The following MOB3A variants were observed in gnomAD, a reference collection of about 807,000 sequenced individuals.
MOB3A encodes the protein MOB kinase activator 3A, also known as MOB LAK.
In MOB3A, 17 loss-of-function variants were observed where a neutral mutation model predicts 17.8. The observed-to-expected ratio is 0.95, with a 90% CI of 0.65 to 1.43. The LOEUF (loss-of-function observed/expected upper bound fraction) is 1.43. Among genes scored for constraint, MOB3A ranks in the 40% most tolerant of loss-of-function variants. MOB3A has a pLI of 0.00. For synonymous variants in MOB3A, 124 were observed against 133.2 expected (o/e 0.93, Z 0.48); for missense variants, 333 against 310.8 (o/e 1.07, Z -0.54).
chr19:2,082,191 A>T lies in MOB3A; in HGVS notation c.-120+2984T>A, dbSNP rs1468210321. ...AACTTTTCATCTGCCTGGGACAAAA[A>T]CCCTGTCTCCACTTTACAGATGAGA... On this transcript the variant is annotated intron_variant, in intron 2 of 4. Coordinates refer to ENST00000357066, the MANE Select transcript of MOB3A (RefSeq NM_130807.3). The surrounding 1 kb of genome is among the most constrained non-coding windows in gnomAD (Gnocchi z 4.1). 6.6e-6 allele frequency among the ~76,000 whole-genome samples: 1 copy of T among 152,170 alleles called. No individual in the cohort carries two copies. Among genetic ancestry groups the T allele is most frequent in the Non-Finnish European group, 1.5e-5 (1 of 68,020 alleles).
intron 1 of MOB3A, among the ~76,000 whole-genome samples, chr19:2,091,327 G>T (rs1382040416): frequency 1.3e-5 from 2 of 152,176 alleles, no homozygotes; most frequent in Non-Finnish European, 2.9e-5. Flanking sequence ...GACACGGAAG[G>T]ACACCCAATA....
At chr19:2,076,145 AAG>A (rs2017403197) in intron 4 of MOB3A, among the ~76,000 whole-genome samples, 1 of 148,580 alleles carries the variant, frequency 6.7e-6, no homozygotes, top group Non-Finnish European at 1.5e-5. Flanking sequence ...AAAAAAAAAA[AAG>A]GCCAGGCACA....
intron 3 of MOB3A, 131 bp downstream of exon 3, chr19:2,078,009 T>G (rs776299418): frequency 3.1e-6 from 3 of 972,468 alleles, no homozygotes; most frequent in African/African-American, 1.7e-5. Flanking sequence ...GAGCTCAAAC[T>G]CCTGGGCTCA....
At position 2,072,419 on chromosome 19, in the gene MOB3A, C is replaced by A. The variant is rs927849942; in HGVS notation, c.*976G>T. 1 of 151,946 alleles carries A rather than the reference C, an allele frequency of 6.6e-6. No homozygotes were observed. The highest frequency in any genetic ancestry group is 1.5e-5 in the Non-Finnish European group (1 of 68,020). 9.4% of individuals were successfully genotyped at this position (151,946 alleles called of 1,614,324 possible). A position where few individuals can be genotyped will look rare whatever the true frequency, so the allele number is the denominator to read the frequency against. On this transcript the variant is annotated 3_prime_UTR_variant, in exon 5 of 5. Coordinates refer to ENST00000357066, the MANE Select transcript of MOB3A (RefSeq NM_130807.3). The stretch of plus-strand genomic sequence containing the variant: ...TTGTGCCACTGGACTCCAGTCTGGG[C>A]GACAGTGGGAGACTCCGTTCAAAAA...
chr19:2,089,507 C>T (rs2017589316), intron 1 of MOB3A, among the ~76,000 whole-genome samples: 1 of 150,456 alleles, frequency 6.6e-6, no homozygotes, highest in African/African-American at 2.4e-5. Flanking sequence ...GAGAAAAACA[C>T]AAATGTCCCA....
intron 2 of MOB3A, chr19:2,084,090 T>TATCCTTTTAAGCTTGTCTAC (rs1464092060): frequency 1.3e-5 from 6 of 476,436 alleles, no homozygotes; most frequent in African/African-American, 1.2e-4. Context: ...TCTTTGTCTA[T>TATCCTTTTAAGCTTGTCTAC]ATCCTTTTAA....
chr19:2,073,420 T>G lies in MOB3A; in HGVS notation c.629A>C (p.Glu210Ala). 1 of 1,613,850 alleles carries G rather than the reference T, an allele frequency of 6.2e-7. No individual in the cohort carries two copies. Among genetic ancestry groups the G allele is most frequent in the Non-Finnish European group, 8.5e-7 (1 of 1,180,010 alleles). The change falls in exon 5 of 5, where the codon GAA (glutamate) becomes GCA (alanine). Residue 210 changes from glutamate (E) to alanine (A), a missense_variant. Glu to Ala is a moderately radical substitution (Grantham distance 107). Coordinates refer to ENST00000357066, the MANE Select transcript of MOB3A (RefSeq NM_130807.3). ...IDTKELEPLK[E>A]MTARMCH Reference sequence around the variant, plus strand: ...TCAGTGGCACATCCGGGCGGTCATTTCTTTCTGTAAAGAGCAAGCAAGACA... The same window carrying G: ...TCAGTGGCACATCCGGGCGGTCATTGCTTTCTGTAAAGAGCAAGCAAGACA...
chr19:2,073,391 G>A lies in MOB3A; in HGVS notation c.*4C>T, dbSNP rs2017363948. 6.2e-7 allele frequency: 1 copy of A among 1,613,382 alleles called. No homozygotes were observed. Among genetic ancestry groups the A allele is most frequent in the Admixed American group, 1.7e-5 (1 of 59,978 alleles). On this transcript the variant is annotated 3_prime_UTR_variant, in exon 5 of 5. Coordinates refer to ENST00000357066, the MANE Select transcript of MOB3A (RefSeq NM_130807.3). Reference sequence around the variant, plus strand: ...GTTCGGGCACCGGGAGACCCGCGGGGCTCTCAGTGGCACATCCGGGCGGTC... The same window carrying A: ...GTTCGGGCACCGGGAGACCCGCGGGACTCTCAGTGGCACATCCGGGCGGTC...
At chr19:2,085,963 CAAA>C (rs1036097194) in intron 1 of MOB3A, among the ~76,000 whole-genome samples, 1 of 33,392 alleles carries the variant, frequency 3.0e-5, no homozygotes, top group Non-Finnish European at 5.6e-5. Flanking sequence ...GACTCTGTCT[CAAA>C]AAAAAAAAAA....
chr19:2,074,434 C>T (rs79792273), intron 4 of MOB3A, among the ~76,000 whole-genome samples: 1,820 of 152,270 alleles, frequency 0.012, 48 homozygotes, highest in African/African-American at 0.041. Context: ...GAAGACCCCA[C>T]TACCATCTTT....
intron 1 of MOB3A, among the ~76,000 whole-genome samples, chr19:2,095,542 G>T (rs2017673500): frequency 6.6e-6 from 1 of 152,188 alleles, no homozygotes; most frequent in Admixed American, 6.5e-5. Flanking sequence ...GGGAGGTGCG[G>T]GGTCCTGCGG....
At position 2,078,232 on chromosome 19, in the gene MOB3A, G is replaced by A; in HGVS notation, c.329C>T (p.Pro110Leu). ...GTACCTGGGCGCGGAGAGTGCCGTG[G>A]GCTTCCGGAACTTATGCTCATCCTG... ...RWQDEHKFRK[P>L]TALSAPRYMD... is the part of the protein sequence containing the mutation. The change falls in exon 3 of 5, where the codon CCC (proline) becomes CTC (leucine). Residue 110 changes from proline (P) to leucine (L), a missense_variant. By Grantham distance (98) the Pro-to-Leu change is moderately conservative (BLOSUM62 -3). Coordinates refer to ENST00000357066, the MANE Select transcript of MOB3A (RefSeq NM_130807.3). 6.2e-7 allele frequency: 1 copy of A among 1,613,894 alleles called. No homozygotes were observed.
intron 1 of MOB3A, among the ~76,000 whole-genome samples, chr19:2,094,624 A>G (rs1429991800): frequency 6.6e-6 from 1 of 152,198 alleles, no homozygotes; most frequent in Non-Finnish European, 1.5e-5. Context: ...GTAAAAGGGA[A>G]GCCCCTGTGA....
rs748261328 is a variant in MOB3A at position 2,076,773 on chromosome 19, C to T, written c.624+38G>A. On this transcript the variant is annotated intron_variant, in intron 4 of 4. Coordinates refer to ENST00000357066, the MANE Select transcript of MOB3A (RefSeq NM_130807.3). Reference sequence around the variant, plus strand: ...TTCCTCTGCCACGGGCCACCAGCCCCACCGTAACCGCACGCCCTCAGCCCC... The same window carrying T: ...TTCCTCTGCCACGGGCCACCAGCCCTACCGTAACCGCACGCCCTCAGCCCC... 4 of 1,603,198 alleles carry T rather than the reference C, an allele frequency of 2.5e-6. No individual in the cohort carries two copies. The Admixed American group carries it at 5.0e-5, about 20-fold the overall frequency.
At position 2,085,194 on chromosome 19, in the gene MOB3A, G is replaced by C. The variant is rs878865452; in HGVS notation, c.-139C>G. On this transcript the variant is annotated 5_prime_UTR_variant, in exon 2 of 5. Transcript: ENST00000357066. ...GGTTACCGTGTCTGGGGCTCCCTCC[G>C]CTCTGCTCTTCTCGGATTCCTCCAG... 3 of 152,002 alleles carry C rather than the reference G, an allele frequency of 2.0e-5. No individual in the cohort carries two copies. Among genetic ancestry groups the C allele is most frequent in the South Asian group, 2.1e-4 (1 of 4,830 alleles). 9.4% of individuals were successfully genotyped at this position (152,002 alleles called of 1,614,324 possible).
intron 2 of MOB3A, among the ~76,000 whole-genome samples, chr19:2,080,028 C>T (rs1363676525): frequency 1.3e-5 from 2 of 152,190 alleles, no homozygotes; most frequent in Non-Finnish European, 2.9e-5. Flanking sequence ...ACACACCGCG[C>T]GTGTGCCGGG....
In MOB3A at chr19:2,093,499, G is replaced by A. The variant is rs1378095803; in HGVS notation, c.-274+2727C>T. On this transcript the variant is annotated intron_variant, in intron 1 of 4. Transcript: ENST00000357066. This position sits in a 1 kb window ranked among gnomAD's most constrained non-coding sequence, Gnocchi z 4.6. ...TCTGGAACACACAGTGGGTGGCTGT[G>A]GTCCAGCGTGTGCCTGGCTGTGTAT... is the stretch of plus-strand genomic sequence containing the variant. Among the ~76,000 whole-genome samples, 1 of 152,132 alleles carries A rather than the reference G, an allele frequency of 6.6e-6. No homozygotes were observed. The highest frequency in any genetic ancestry group is 6.5e-5 in the Admixed American group (1 of 15,276).
At chr19:2,081,839 G>C (rs1172394743) in intron 2 of MOB3A, among the ~76,000 whole-genome samples, 1 of 151,988 alleles carries the variant, frequency 6.6e-6, no homozygotes, top group African/African-American at 2.4e-5. Context: ...AGCCAAGGTC[G>C]GGCCTCTGTA....
At chr19:2,090,317 A>G (rs1249059951) in intron 1 of MOB3A, 2 of 151,924 alleles carry the variant, frequency 1.3e-5, no homozygotes, top group African/African-American at 4.8e-5. Flanking sequence ...TTTTCTTCTC[A>G]TTTGCCTCGT....
Sources: gnomAD v4.1 joint callset for allele counts (sites outside exome capture counted in the v4.1 genomes callset) on GRCh38, gnomAD v4.1.1 for gene constraint, Gnocchi (gnomAD v3.1) non-coding constraint, MANE v1.5 for transcripts, NCBI Gene and HGNC (gene_info 2026-07-23, HGNC 2026-07-21) for gene names.